The following DDHD1 variants were observed in gnomAD, a reference collection of about 807,000 sequenced individuals.
The protein encoded by DDHD1 is phospholipase DDHD1.
In DDHD1, 49 loss-of-function variants were observed where a neutral mutation model predicts 96.4. That is an observed-to-expected ratio of 0.51 (90% CI 0.40 to 0.64). The LOEUF (loss-of-function observed/expected upper bound fraction) is 0.64, where lower values mean the gene tolerates loss of function less well. DDHD1 is among the 30% of genes least tolerant of loss of function. The probability of loss-of-function intolerance (pLI) is 0.00; values close to 1 mark genes in which losing one functional copy is unlikely to be tolerated. For synonymous variants in DDHD1, 442 were observed against 446.5 expected, an observed-to-expected ratio of 0.99 and a Z score of 0.13; for missense variants, 1,106 against 1,161.2, an observed-to-expected ratio of 0.95 and a Z score of 0.69.
At chr14:53,130,434 G>A (rs1431410696) in intron 1 of DDHD1, among the ~76,000 whole-genome samples, 2 of 152,032 alleles carry the variant, frequency 1.3e-5, no homozygotes, top group Non-Finnish European at 2.9e-5. Context: ...AGACCCAGAG[G>A]GGCCAGAAGT....
rs180742508 is a variant in DDHD1, at chr14:53,072,587, T to C, written c.1503+10A>G. The C allele has an allele frequency of 2.8e-6, 4 of 1,453,458 alleles. No homozygotes were observed. The South Asian group carries it at 5.9e-5, about 21-fold the overall frequency. 90.0% of individuals were successfully genotyped at this position (1,453,458 alleles called of 1,614,324 possible). On this transcript the variant is annotated intron_variant, in intron 6 of 12. Coordinates refer to ENST00000673822, the MANE Select transcript of DDHD1 (RefSeq NM_001160148.2). The stretch of plus-strand genomic sequence containing the variant: ...AAAATACCCACCAGCAAGATAATCA[T>C]GACACTTACTTCATCTCTATAAAGT...
intron 4 of DDHD1, 21 bp from the exon 5 acceptor site, chr14:53,073,868 A>C: frequency 6.3e-7 from 1 of 1,588,130 alleles, no homozygotes; most frequent in Non-Finnish European, 8.6e-7. Flanking sequence ...AAACAAACAA[A>C]AATGCAAACA....
rs770313412 is a variant in DDHD1, at chr14:53,152,780, C to T, written c.319G>A (p.Glu107Lys). 4.3e-5 allele frequency: 69 copies of T among 1,606,452 alleles called. No homozygotes were observed. The highest frequency in any genetic ancestry group is 5.7e-5 in the Non-Finnish European group (67 of 1,177,448). The change falls in exon 1 of 13, where the codon GAG (glutamate) becomes AAG (lysine). Residue 107 changes from glutamate (E) to lysine (K), a missense_variant. Physicochemically the swap from Glu to Lys is moderately conservative, Grantham distance 56. Coordinates refer to ENST00000673822, the MANE Select transcript of DDHD1 (RefSeq NM_001160148.2). Reference sequence around the variant, plus strand: ...AAGGAGCTGCCGCCGCCGCCGCTCTCACCCTCGCTGTAGTAGCGCAGCGAG... The same window carrying T: ...AAGGAGCTGCCGCCGCCGCCGCTCTTACCCTCGCTGTAGTAGCGCAGCGAG... ...GSSLRYYSEG[E>K]SGGGGSSLSL...
intron 1 of DDHD1, among the ~76,000 whole-genome samples, chr14:53,112,372 G>A (rs184291561): frequency 1.3e-5 from 2 of 151,412 alleles, no homozygotes; most frequent in South Asian, 2.1e-4. Flanking sequence ...AGCTGAGATC[G>A]TGCCACTGCA....
intron 1 of DDHD1, among the ~76,000 whole-genome samples, chr14:53,124,753 A>C (rs1889303977): frequency 6.6e-6 from 1 of 152,236 alleles, no homozygotes; most frequent in Admixed American, 6.5e-5. Flanking sequence ...CTGTAAAATT[A>C]ATGAAAAGAT....
intron 4 of DDHD1, among the ~76,000 whole-genome samples, chr14:53,079,813 TTTCCTACGTGATGCTGCAATCAAAAGCC>T (rs1885297361): frequency 1.3e-5 from 2 of 152,202 alleles, no homozygotes; most frequent in African/African-American, 4.8e-5. Flanking sequence ...ATTTGAGTAG[TTTCCTACGTGATGCTGCAATCAAAAGCC>T]TTGTGCATGC....
intron 8 of DDHD1, among the ~76,000 whole-genome samples, chr14:53,060,122 T>C (rs1883424602): frequency 6.6e-6 from 1 of 152,140 alleles, no homozygotes; most frequent in Non-Finnish European, 1.5e-5. Context: ...GTTAAGTTCT[T>C]GTGAGAAAAG....
At chr14:53,134,378 A>G (rs928395148) in intron 1 of DDHD1, among the ~76,000 whole-genome samples, 5 of 152,126 alleles carry the variant, frequency 3.3e-5, no homozygotes, top group African/African-American at 1.2e-4. Flanking sequence ...GCACACTCCA[A>G]TACTTTCGCC....
intron 4 of DDHD1, among the ~76,000 whole-genome samples, chr14:53,075,250 T>C (rs1166566657): frequency 1.3e-5 from 2 of 152,112 alleles, no homozygotes; most frequent in African/African-American, 4.8e-5. Context: ...GGTAGCCAAT[T>C]TGTGAATGCA....
At chr14:53,058,394 C>A in intron 9 of DDHD1, 83 bp downstream of exon 9, 1 of 1,463,122 alleles carries the variant, frequency 6.8e-7, no homozygotes. Context: ...GGATTACAAG[C>A]GTGAGCCACT....
chr14:53,053,706 T>A (rs953272254), intron 11 of DDHD1: 11 of 152,214 alleles, frequency 7.2e-5, no homozygotes, highest in Non-Finnish European at 1.5e-4. Flanking sequence ...AGAATTTATA[T>A]TTCATTATAG....
intron 6 of DDHD1, among the ~76,000 whole-genome samples, chr14:53,067,481 G>A (rs1447420170): frequency 6.8e-6 from 1 of 146,318 alleles, no homozygotes; most frequent in African/African-American, 2.6e-5. Flanking sequence ...TTTTAGAGAT[G>A]GAATCTCGCT....
chr14:53,107,723 G>A (rs530617004), intron 1 of DDHD1, among the ~76,000 whole-genome samples: 219 of 152,232 alleles, frequency 1.4e-3, no homozygotes, highest in South Asian at 5.6e-3. Context: ...CCCGGGAGGC[G>A]GAGGTTGCAG....
chr14:53,055,052 C>A (rs906748717), intron 10 of DDHD1, among the ~76,000 whole-genome samples: 1 of 152,114 alleles, frequency 6.6e-6, no homozygotes, highest in African/African-American at 2.4e-5. Flanking sequence ...GAAAGTAAAA[C>A]AGCCAATGAG....
chr14:53,122,155 G>A (rs1485265772), intron 1 of DDHD1, among the ~76,000 whole-genome samples: 1 of 152,208 alleles, frequency 6.6e-6, no homozygotes, highest in East Asian at 1.9e-4. Context: ...GGTTCCTGCA[G>A]GATGCAGATT....
In DDHD1 at chr14:53,054,715, G is replaced by A; in HGVS notation, c.2246-86C>T. The A allele has an allele frequency of 5.2e-6, 7 of 1,347,444 alleles. No individual in the cohort carries two copies. The South Asian group carries it at 9.9e-5, about 19-fold the overall frequency. The allele number at this position is 1,347,444 out of a possible 1,614,324, so 83.5% of individuals were successfully genotyped here. Reference sequence around the variant, plus strand: ...GCACCACCCATAATTATAGCCAACTGGCAGAGGGACCAAACCCTAGTCATG... The same window carrying A: ...GCACCACCCATAATTATAGCCAACTAGCAGAGGGACCAAACCCTAGTCATG... On this transcript the variant is annotated intron_variant, in intron 10 of 12. Transcript: ENST00000673822.
intron 2 of DDHD1, among the ~76,000 whole-genome samples, chr14:53,097,549 AC>A (rs765316404): frequency 5.9e-5 from 9 of 152,036 alleles, no homozygotes; most frequent in Non-Finnish European, 1.0e-4. Flanking sequence ...ACAGTTTTAA[AC>A]AAAAAATTCA....
At chr14:53,063,381 C>T (rs1392825046) in intron 6 of DDHD1, among the ~76,000 whole-genome samples, 176 bp from the exon 7 acceptor site, 1 of 151,814 alleles carries the variant, frequency 6.6e-6, no homozygotes, top group African/African-American at 2.4e-5. Context: ...GGTATACATA[C>T]TATTATAATC....
chr14:53,051,436 A>G (rs1043528319), intron 12 of DDHD1, among the ~76,000 whole-genome samples: 3 of 151,984 alleles, frequency 2.0e-5, no homozygotes, highest in Admixed American at 1.3e-4. Context: ...CTAAGTGGTA[A>G]ATTTACTGAT....
Sources: gnomAD v4.1 joint callset for allele counts (sites outside exome capture counted in the v4.1 genomes callset) on GRCh38, gnomAD v4.1.1 for gene constraint, MANE v1.5 for transcripts, NCBI Gene and HGNC (gene_info 2026-07-23, HGNC 2026-07-21) for gene names.